GOLPH3L: variants seen among roughly 807,000 people sequenced by gnomAD.
GOLPH3L encodes the protein golgi phosphoprotein 3 like.
GOLPH3L carries 22 observed loss-of-function variants against 30.3 expected under a neutral mutation model. That is an observed-to-expected ratio of 0.73 (90% confidence interval 0.52 to 1.04). GOLPH3L has a LOEUF of 1.04. GOLPH3L is among the 50% of genes least tolerant of loss of function. The pLI, the probability that GOLPH3L is intolerant of heterozygous loss-of-function variation, is 0.00. For synonymous variants in GOLPH3L, 120 were observed against 128.2 expected (o/e 0.94, Z 0.43); for missense variants, 303 against 345.8 (o/e 0.88, Z 0.98).
intron 2 of GOLPH3L, among the ~76,000 whole-genome samples, chr1:150,675,305 C>G (rs1186775283): frequency 6.6e-6 from 1 of 151,242 alleles, no homozygotes; most frequent in African/African-American, 2.4e-5. Context: ...TCCTTGATTA[C>G]TAGCATATAC....
Position 150,663,201 on chromosome 1 carries a change from AT to A in GOLPH3L, c.315+430del, listed in dbSNP as rs931429519. 1.0e-4 allele frequency among the ~76,000 whole-genome samples: 15 copies of A among 149,966 alleles called. No homozygotes were observed. The East Asian group carries it at 2.7e-3, about 27-fold the overall frequency. ...AGGCGCCCGCCACAATGCCCCGCTA[AT>A]TTTTTTTTTAAATATTTCTCGTAGA... On this transcript the variant is annotated intron_variant, in intron 3 of 4. Coordinates refer to ENST00000271732, the MANE Select transcript of GOLPH3L (RefSeq NM_018178.6).
chr1:150,687,597 T>A (rs1021509013), intron 2 of GOLPH3L, among the ~76,000 whole-genome samples: 1 of 151,762 alleles, frequency 6.6e-6, no homozygotes, highest in Non-Finnish European at 1.5e-5. Context: ...AAAAAAAAAC[T>A]TTTTGATTAG....
intron 4 of GOLPH3L, among the ~76,000 whole-genome samples, chr1:150,650,156 T>C (rs757948618): frequency 1.3e-5 from 2 of 152,124 alleles, no homozygotes; most frequent in African/African-American, 2.4e-5. Flanking sequence ...GTGATGGCTA[T>C]GTCAAAATCA....
intron 3 of GOLPH3L, 51 bp downstream of exon 3, chr1:150,663,581 G>C (rs1650422876): frequency 6.6e-7 from 1 of 1,509,338 alleles, no homozygotes; most frequent in Non-Finnish European, 9.0e-7. Context: ...CAAATGTACT[G>C]TTGGTATTTG....
At chr1:150,676,359 C>CA (rs1650776136) in intron 2 of GOLPH3L, among the ~76,000 whole-genome samples, 1 of 152,076 alleles carries the variant, frequency 6.6e-6, no homozygotes, top group South Asian at 2.1e-4. Context: ...TATAATCTTT[C>CA]ATCTTTACCA....
chr1:150,658,165 C>A (rs1050546700), intron 4 of GOLPH3L, among the ~76,000 whole-genome samples: 1 of 152,224 alleles, frequency 6.6e-6, no homozygotes, highest in East Asian at 1.9e-4. Context: ...CATGTCGAGA[C>A]TGATGCTGAG....
chr1:150,671,299 T>C (rs1327105595), intron 2 of GOLPH3L, among the ~76,000 whole-genome samples: 1 of 151,894 alleles, frequency 6.6e-6, no homozygotes, highest in Non-Finnish European at 1.5e-5. Context: ...CTGTTGAATA[T>C]CTAGAAGAAA....
chr1:150,654,082 T>G (rs1180816458), intron 4 of GOLPH3L, among the ~76,000 whole-genome samples: 2 of 151,678 alleles, frequency 1.3e-5, no homozygotes, highest in African/African-American at 4.9e-5. Context: ...TTAAAGATGC[T>G]CAAATATTTA....
At chr1:150,676,560 A>T (rs997511104) in intron 2 of GOLPH3L, among the ~76,000 whole-genome samples, 1 of 150,966 alleles carries the variant, frequency 6.6e-6, no homozygotes, top group South Asian at 2.1e-4. Flanking sequence ...TGTTTAGTAA[A>T]TTTTTTTTTA....
intron 2 of GOLPH3L, among the ~76,000 whole-genome samples, chr1:150,693,819 G>GTATATATATA (rs1175095529): frequency 1.2e-5 from 1 of 86,862 alleles, no homozygotes. Flanking sequence ...GTGTGTGTGT[G>GTATATATATA]TATATATATA....
At chr1:150,675,757 C>A (rs1184113008) in intron 2 of GOLPH3L, among the ~76,000 whole-genome samples, 1 of 103,078 alleles carries the variant, frequency 9.7e-6, no homozygotes, top group Non-Finnish European at 1.7e-5. Flanking sequence ...GCCTGGGCGA[C>A]AGAGTAAGAG....
chr1:150,670,279 A>G (rs1650612145), intron 2 of GOLPH3L, among the ~76,000 whole-genome samples: 1 of 151,250 alleles, frequency 6.6e-6, no homozygotes, highest in African/African-American at 2.4e-5. Context: ...AATTGTAAAA[A>G]AGAAAGAAAA....
At chr1:150,677,008 C>T (rs1650820305) in intron 2 of GOLPH3L, among the ~76,000 whole-genome samples, 1 of 151,308 alleles carries the variant, frequency 6.6e-6, no homozygotes. Flanking sequence ...CTCAGACTCC[C>T]AAAGTGCTGG....
At chr1:150,670,578 C>T (rs937443476) in intron 2 of GOLPH3L, among the ~76,000 whole-genome samples, 1 of 152,230 alleles carries the variant, frequency 6.6e-6, no homozygotes, top group East Asian at 1.9e-4. Context: ...GCCTGGGCTA[C>T]AGAGCAAGAC....
chr1:150,690,805 G>A (rs898149254), intron 2 of GOLPH3L, among the ~76,000 whole-genome samples: 1 of 151,926 alleles, frequency 6.6e-6, no homozygotes, highest in Non-Finnish European at 1.5e-5. Flanking sequence ...TTGTTTTACT[G>A]CCTTTTTCTA....
intron 4 of GOLPH3L, among the ~76,000 whole-genome samples, chr1:150,658,637 G>T (rs933912522): frequency 1.3e-5 from 2 of 152,206 alleles, no homozygotes; most frequent in Non-Finnish European, 2.9e-5. Flanking sequence ...AATCATTACT[G>T]ATTGGTCCCA....
chr1:150,654,522 A>T (rs1050811759), intron 4 of GOLPH3L, among the ~76,000 whole-genome samples: 1 of 152,238 alleles, frequency 6.6e-6, no homozygotes, highest in South Asian at 2.1e-4. Context: ...AAAAAAAACA[A>T]AAAAACAAAA....
intron 4 of GOLPH3L, 35 bp downstream of exon 4, chr1:150,661,779 G>T: frequency 1.1e-6 from 1 of 917,348 alleles, no homozygotes; most frequent in Non-Finnish European, 1.8e-6. Context: ...AGATAACAAA[G>T]TGTGAAATTC....
At chr1:150,652,414 A>C (rs1386124598) in intron 4 of GOLPH3L, among the ~76,000 whole-genome samples, 2 of 150,384 alleles carry the variant, frequency 1.3e-5, no homozygotes, top group South Asian at 4.2e-4. Context: ...AAAAACCCTA[A>C]AAAAAACAAA....
Sources: allele counts gnomAD v4.1 joint callset (sites outside exome capture counted in the v4.1 genomes callset), GRCh38; gene constraint gnomAD v4.1.1; transcripts MANE v1.5; gene names NCBI Gene and HGNC (gene_info 2026-07-23, HGNC 2026-07-21).